METTL8: variants seen among roughly 807,000 people sequenced by gnomAD.
METTL8 encodes methyltransferase 8, tRNA N3-cytidine.
In METTL8, 32 loss-of-function variants were observed where a neutral mutation model predicts 48.7. The ratio of observed to expected loss-of-function variants is 0.66; its 90% CI spans 0.50 to 0.88. The LOEUF is 0.88. Among genes scored for constraint, METTL8 ranks in the 40% least tolerant of loss-of-function variants. METTL8 has a pLI of 0.00. For synonymous variants in METTL8, 136 were observed against 157.1 expected, an observed-to-expected ratio of 0.87 and a Z score of 1.01; for missense variants, 464 against 474.4, an observed-to-expected ratio of 0.98 and a Z score of 0.20.
At chr2:171,409,925 A>ATGTGGAATT (rs1230041175) in intron 1 of METTL8, among the ~76,000 whole-genome samples, 6 of 152,192 alleles carry the variant, frequency 3.9e-5, no homozygotes, top group Non-Finnish European at 5.9e-5. Flanking sequence ...GAAAGATCAC[A>ATGTGGAATT]TGTGGAATTT....
At chr2:171,358,059 A>T (rs1684773671) in intron 3 of METTL8, among the ~76,000 whole-genome samples, 1 of 151,968 alleles carries the variant, frequency 6.6e-6, no homozygotes, top group Non-Finnish European at 1.5e-5. Context: ...AGGAAAATGA[A>T]CAAAGCTGAG....
At chr2:171,352,746 T>A (rs1045724773) in intron 3 of METTL8, among the ~76,000 whole-genome samples, 2 of 152,232 alleles carry the variant, frequency 1.3e-5, no homozygotes, top group East Asian at 3.8e-4. Flanking sequence ...ATTTTCTAGT[T>A]TATTTGCATA....
At position 171,324,194 on chromosome 2, in the gene METTL8, GA is replaced by G. The variant is rs765615158; in HGVS notation, c.1201del (p.Ser401LeufsTer36). On this transcript the variant is annotated frameshift_variant, in exon 10 of 10. Coordinates refer to ENST00000375258, the MANE Select transcript of METTL8 (RefSeq NM_001321154.2). LOFTEE classifies it high-confidence loss of function. Reference protein sequence around the residue: ...HQTQNSSNMVSTLLSQD With the variant: ...HQTQNSSNMVXTLLSQD ...AGTTCAGTCTTGTGAAAGGAGTGTA[GA>G]TACCATATTGGAGCTATTCTGAGTC... 3.5e-5 allele frequency: 55 copies of G among 1,549,852 alleles called. No individual in the cohort carries two copies. Among genetic ancestry groups the G allele is most frequent in the Non-Finnish European group, 4.5e-5 (52 of 1,146,760 alleles).
At chr2:171,358,557 G>A (rs1463294875) in intron 3 of METTL8, among the ~76,000 whole-genome samples, 1 of 152,076 alleles carries the variant, frequency 6.6e-6, no homozygotes, top group Non-Finnish European at 1.5e-5. Flanking sequence ...ACATATGATG[G>A]GGAAAGGACA....
chr2:171,432,328 G>A (rs1375546829), intron 1 of METTL8, among the ~76,000 whole-genome samples: 1 of 152,204 alleles, frequency 6.6e-6, no homozygotes, highest in African/African-American at 2.4e-5. Flanking sequence ...GTGAAATGAA[G>A]ATGAGATGGA....
chr2:171,414,180 G>C (rs1691042493), intron 1 of METTL8, among the ~76,000 whole-genome samples: 1 of 152,150 alleles, frequency 6.6e-6, no homozygotes, highest in African/African-American at 2.4e-5. Flanking sequence ...CCCTTTGAGA[G>C]GCCAAGGTGG....
At chr2:171,371,927 C>T (rs1156862089) in intron 2 of METTL8, among the ~76,000 whole-genome samples, 1 of 151,424 alleles carries the variant, frequency 6.6e-6, no homozygotes, top group African/African-American at 2.4e-5. Flanking sequence ...CTGCATCAAG[C>T]GATCTTCCTG....
At chr2:171,333,711 C>G (rs1685783885) in intron 5 of METTL8, among the ~76,000 whole-genome samples, 1 of 152,108 alleles carries the variant, frequency 6.6e-6, no homozygotes, top group Non-Finnish European at 1.5e-5. Context: ...TTGAAATGTT[C>G]TCAGTAAACA....
intron 2 of METTL8, among the ~76,000 whole-genome samples, chr2:171,362,164 T>A (rs1685229582): frequency 6.6e-6 from 1 of 152,140 alleles, no homozygotes; most frequent in Non-Finnish European, 1.5e-5. Context: ...TTAAGTAGTA[T>A]GCAAGACACA....
chr2:171,406,914 C>A (rs1690239679), intron 1 of METTL8, among the ~76,000 whole-genome samples: 1 of 151,746 alleles, frequency 6.6e-6, no homozygotes, highest in South Asian at 2.1e-4. Context: ...ATTGTTTAAG[C>A]CATCTGAGTT....
intron 3 of METTL8, among the ~76,000 whole-genome samples, chr2:171,348,428 CA>C (rs375220881): frequency 5.3e-5 from 8 of 152,242 alleles, no homozygotes; most frequent in African/African-American, 1.9e-4. Context: ...ACTTTATTCA[CA>C]AAAACAGGCA....
chr2:171,316,624 C>T lies in METTL8; in HGVS notation c.*7548G>A, dbSNP rs1312044161. 6.6e-6 allele frequency among the ~76,000 whole-genome samples: 1 copy of T among 152,082 alleles called. No individual in the cohort carries two copies. Among genetic ancestry groups the T allele is most frequent in the Non-Finnish European group, 1.5e-5 (1 of 68,020 alleles). ...TATATTCATGGAAAGGATAGATCTT[C>T]CTTGCTTTTTGGGATCCTGAATTTC... is the stretch of plus-strand genomic sequence containing the variant. On this transcript the variant is annotated 3_prime_UTR_variant, in exon 10 of 10. Transcript: ENST00000375258.
At chr2:171,374,618 T>G (rs1333612279) in intron 2 of METTL8, among the ~76,000 whole-genome samples, 4 of 152,210 alleles carry the variant, frequency 2.6e-5, no homozygotes, top group African/African-American at 9.6e-5. Context: ...CCCTTCAAGT[T>G]TCCTTGTGCC....
intron 3 of METTL8, among the ~76,000 whole-genome samples, chr2:171,358,988 T>A (rs1380434763): frequency 1.3e-5 from 2 of 151,234 alleles, no homozygotes; most frequent in East Asian, 3.9e-4. Flanking sequence ...AAAAAGAAAA[T>A]CAGATTAAAA....
chr2:171,337,791 A>G (rs1686272781), intron 4 of METTL8, among the ~76,000 whole-genome samples: 1 of 151,794 alleles, frequency 6.6e-6, no homozygotes, highest in Admixed American at 6.6e-5. Flanking sequence ...GGCAAGGCTC[A>G]TTAGGAAAAA....
rs144285164 is a variant in METTL8, at chr2:171,359,370, C to T, written c.235+1052G>A. On this transcript the variant is annotated intron_variant, in intron 3 of 9. Transcript: ENST00000375258. ...AAAGACAGGGAATAATGAATGGATG[C>T]TGGTGAGGATGTGAAAAAAGGAGAA... Among the ~76,000 whole-genome samples the T allele has an allele frequency of 4.2e-3, 646 of 152,140 alleles. 2 individuals are homozygous for T. The highest frequency in any genetic ancestry group is 6.0e-3 in the Non-Finnish European group (408 of 67,994).
At chr2:171,434,449 C>A, upstream of METTL8, 1 of 1,482,962 alleles carries the variant, frequency 6.7e-7, no homozygotes, top group Non-Finnish European at 9.1e-7. Flanking sequence ...CTCCCCGTGT[C>A]AGCTTTCCCT....
chr2:171,331,870 A>G lies in METTL8; in HGVS notation c.657-3T>C, dbSNP rs1432757544. ...ACAGAAAGGACTCCGGAGAGTTCCT[A>G]TGAAGATGGAAGAAATATTTATTTA... is the stretch of plus-strand genomic sequence containing the variant. On this transcript the variant is annotated splice_polypyrimidine_tract_variant and splice_region_variant and intron_variant, in intron 5 of 9. Coordinates refer to ENST00000375258, the MANE Select transcript of METTL8 (RefSeq NM_001321154.2). The G allele has an allele frequency of 1.3e-6, 2 of 1,585,748 alleles. No individual in the cohort carries two copies. Among genetic ancestry groups the G allele is most frequent in the Admixed American group, 1.8e-5 (1 of 56,324 alleles).
intron 1 of METTL8, among the ~76,000 whole-genome samples, chr2:171,430,896 C>T (rs1326883845): frequency 2.0e-5 from 3 of 151,968 alleles, no homozygotes; most frequent in Non-Finnish European, 4.4e-5. Flanking sequence ...TTTGTTTTTT[C>T]ACACTGTTGT....
Sources: allele counts gnomAD v4.1 joint callset (sites outside exome capture counted in the v4.1 genomes callset), GRCh38; gene constraint gnomAD v4.1.1; transcripts MANE v1.5; gene names NCBI Gene and HGNC (gene_info 2026-07-23, HGNC 2026-07-21).